Variants in SLC22A6 observed in about 807,000 individuals in gnomAD.
The protein encoded by SLC22A6 is solute carrier family 22 member 6.
A neutral mutation model predicts 56.7 loss-of-function variants in SLC22A6; 45 were observed. The observed-to-expected ratio is 0.79, with a 90% CI of 0.63 to 1.02. The LOEUF (loss-of-function observed/expected upper bound fraction) is 1.02, where lower values mean the gene tolerates loss of function less well. Ranked by LOEUF, SLC22A6 falls within the 50% of genes least tolerant of loss-of-function variation. The probability of loss-of-function intolerance (pLI) is 0.00; values close to 1 mark genes in which losing one functional copy is unlikely to be tolerated. For synonymous variants in SLC22A6, 291 were observed against 295.9 expected, an observed-to-expected ratio of 0.98 and a Z score of 0.17; for missense variants, 606 against 713.8, an observed-to-expected ratio of 0.85 and a Z score of 1.72.
Position 62,983,591 on chromosome 11 carries a change from G to A in SLC22A6, c.574C>T (p.Arg192Trp), listed in dbSNP as rs2086279908. The change falls in exon 3 of 10, where the codon CGG (arginine) becomes TGG (tryptophan). Residue 192 changes from arginine to tryptophan, a missense_variant. Coordinates refer to ENST00000360421, the MANE Select transcript of SLC22A6 (RefSeq NM_153276.3). The surrounding 1 kb of genome is among the most constrained non-coding windows in gnomAD (Gnocchi z 4.5). ...GCCAGAGCCATGCCCGAGAGGAGCCGGAAGGCGCAGTAGATGGGGAAGTTG... is the reference window on the plus strand; with the variant it reads ...GCCAGAGCCATGCCCGAGAGGAGCCAGAAGGCGCAGTAGATGGGGAAGTTG... ...APNFPIYCAF[R>W]LLSGMALAGI... 1.9e-6 allele frequency: 3 copies of A among 1,590,022 alleles called. No homozygotes were observed. Among genetic ancestry groups the A allele is most frequent in the South Asian group, 1.1e-5 (1 of 87,338 alleles).
Position 62,984,817 on chromosome 11 carries a change from CGGGA to C in SLC22A6, c.-131_-128del. 9.2e-7 allele frequency: 1 copy of C among 1,086,692 alleles called. No homozygotes were observed. Among genetic ancestry groups the C allele is most frequent in the East Asian group, 2.6e-5 (1 of 38,504 alleles). The allele number at this position is 1,086,692 out of a possible 1,614,324, so 67.3% of individuals were successfully genotyped here. On this transcript the variant is annotated 5_prime_UTR_variant, in exon 1 of 10. Transcript: ENST00000360421. ...CGTTGCCTCCGCAGCTGGGTTGCTC[CGGGA>C]GCTGAGTCCGAGCTGCTCTGTGGGG...
chr11:62,983,170 G>A lies in SLC22A6; in HGVS notation c.628+367C>T, dbSNP rs1469845069. Among the ~76,000 whole-genome samples the A allele has an allele frequency of 4.6e-5, 7 of 151,954 alleles. No homozygotes were observed. The highest frequency in any genetic ancestry group is 8.8e-5 in the Non-Finnish European group (6 of 67,974). On this transcript the variant is annotated intron_variant, in intron 3 of 9. Coordinates refer to ENST00000360421, the MANE Select transcript of SLC22A6 (RefSeq NM_153276.3). The surrounding 1 kb of genome is among the most constrained non-coding windows in gnomAD (Gnocchi z 4.5). ...CGCCATTCTCCTGCCTCAGCCTCCC[G>A]AGTAGCTGGGACTACAGGCGCCTGC...
In SLC22A6 at chr11:62,984,736, C is replaced by A; in HGVS notation, c.-46G>T. 2 of 1,568,316 alleles carry A rather than the reference C, an allele frequency of 1.3e-6. No homozygotes were observed. Among genetic ancestry groups the A allele is most frequent in the Non-Finnish European group, 1.7e-6 (2 of 1,161,362 alleles). On this transcript the variant is annotated 5_prime_UTR_variant, in exon 1 of 10. Coordinates refer to ENST00000360421, the MANE Select transcript of SLC22A6 (RefSeq NM_153276.3). ...GGCTGGGGGCTGAGGCCTTCCAGTC[C>A]CAGGACCTCTGTCTGTCTGCCTGCC...
Position 62,984,774 on chromosome 11 carries a change from C to T in SLC22A6, c.-84G>A. Reference sequence around the variant, plus strand: ...CTGTCTGCCTGCCTGCTGTCCTTCGCTGGAGGAGCAGCACTGCCGTTGCCT... The same window carrying T: ...CTGTCTGCCTGCCTGCTGTCCTTCGTTGGAGGAGCAGCACTGCCGTTGCCT... On this transcript the variant is annotated 5_prime_UTR_variant, in exon 1 of 10. Transcript: ENST00000360421. The T allele has an allele frequency of 6.9e-7, 1 of 1,453,614 alleles. No individual in the cohort carries two copies. The highest frequency in any genetic ancestry group is 9.2e-7 in the Non-Finnish European group (1 of 1,090,154). The allele number at this position is 1,453,614 out of a possible 1,614,324, so 90.0% of individuals were successfully genotyped here.
At position 62,983,906 on chromosome 11, in the gene SLC22A6, C is replaced by T; in HGVS notation, c.473+38G>A. The T allele has an allele frequency of 1.4e-6, 2 of 1,469,742 alleles. No homozygotes were observed. Among genetic ancestry groups the T allele is most frequent in the South Asian group, 1.2e-5 (1 of 84,452 alleles). The allele number at this position is 1,469,742 out of a possible 1,614,324, so 91.0% of individuals were successfully genotyped here. ...CTGAGCCCAGCTGAGCCCCTAATCC[C>T]AGCCCAGCCCAGCCCCTTGACCCTA... On this transcript the variant is annotated intron_variant, in intron 2 of 9. Coordinates refer to ENST00000360421, the MANE Select transcript of SLC22A6 (RefSeq NM_153276.3). This position sits in a 1 kb window ranked among gnomAD's most constrained non-coding sequence, Gnocchi z 4.5.
chr11:62,977,474 G>T, intron 8 of SLC22A6, 87 bp from the exon 9 acceptor site: 1 of 1,463,252 alleles, frequency 6.8e-7, no homozygotes, highest in Non-Finnish European at 9.2e-7. Context: ...GGCAGCTCAG[G>T]CTCAGCCCCC....
Position 62,983,631 on chromosome 11 carries a change from G to T in SLC22A6, c.534C>A (p.Cys178Ter), listed in dbSNP as rs753679674. 14 of 1,611,140 alleles carry T rather than the reference G, an allele frequency of 8.7e-6. No individual in the cohort carries two copies. Among genetic ancestry groups the T allele is most frequent in the Non-Finnish European group, 1.2e-5 (14 of 1,178,892 alleles). ...TGGGGAAGTTGGGTGCGAAGGCTGCGCAGGTCCCTGACACAGCTGTCTGCA... is the reference window on the plus strand; with the variant it reads ...TGGGGAAGTTGGGTGCGAAGGCTGCTCAGGTCCCTGACACAGCTGTCTGCA... ...NYLQTAVSGT[C>*]AAFAPNFPIY... Residue 178 changes from cysteine to a stop codon, truncating the protein, a stop_gained, in exon 3 of 10, where the codon TGC becomes TGA. Transcript: ENST00000360421. LOFTEE classifies it high-confidence loss of function. The surrounding 1 kb of genome is among the most constrained non-coding windows in gnomAD (Gnocchi z 4.5).
Position 62,983,480 on chromosome 11 carries a change from G to GA in SLC22A6, c.628+56dup. The GA allele has an allele frequency of 6.5e-7, 1 of 1,537,642 alleles. No individual in the cohort carries two copies. On this transcript the variant is annotated intron_variant, in intron 3 of 9. Transcript: ENST00000360421. The surrounding 1 kb of genome is among the most constrained non-coding windows in gnomAD (Gnocchi z 4.5). ...AGGGGCAGGCTGGGAGGGGAGGCTG[G>GA]AAAGGGGTTGCTGGGCTGGGTGGCC...
In SLC22A6 at chr11:62,979,857, C is replaced by T. The variant is rs2086233583; in HGVS notation, c.1129G>A (p.Val377Met). The T allele has an allele frequency of 4.3e-6, 7 of 1,614,194 alleles. No homozygotes were observed. Among genetic ancestry groups the T allele is most frequent in the Non-Finnish European group, 5.9e-6 (7 of 1,180,014 alleles). The stretch of plus-strand genomic sequence containing the variant: ...CCCACAAGCTTGGCAGGCAGGTCCA[C>T]AGCACCAAAGATCACCTGGATTAGG... ...IYLIQVIFGAVDLPAKLVGFL... is the reference protein window; with the variant it reads ...IYLIQVIFGAMDLPAKLVGFL... Residue 377 changes from valine to methionine, a missense_variant, in exon 7 of 10, where the codon GTG becomes ATG. Coordinates refer to ENST00000360421, the MANE Select transcript of SLC22A6 (RefSeq NM_153276.3).
At chr11:62,977,152 A>G (rs1204199537) in intron 9 of SLC22A6, 32 bp downstream of exon 9, 1 of 1,614,148 alleles carries the variant, frequency 6.2e-7, no homozygotes, top group Non-Finnish European at 8.5e-7. Context: ...TACCTGGGAT[A>G]TATCCCTGCT....
chr11:62,977,412 G>C lies in SLC22A6; in HGVS notation c.1362-25C>G, dbSNP rs1431413200. 2.5e-6 allele frequency: 4 copies of C among 1,591,446 alleles called. No individual in the cohort carries two copies. The African/African-American group carries it at 4.0e-5, about 16-fold the overall frequency. On this transcript the variant is annotated intron_variant, in intron 8 of 9. Transcript: ENST00000360421. ...CCTGCAGGGCCCGCAGCAGATGGGT[G>C]TTGGTTAGAGTTCCAGCATGAATGC...
chr11:62,984,123 C>T (rs915943001), intron 1 of SLC22A6, 76 bp from the exon 2 acceptor site: 1 of 1,215,188 alleles, frequency 8.2e-7, no homozygotes, highest in African/African-American at 1.5e-5. Context: ...TTCAGCTGGT[C>T]CTCTGGGGTC....
rs547395859 is a variant in SLC22A6, at chr11:62,983,146, G to A, written c.628+391C>T. Among the ~76,000 whole-genome samples the A allele has an allele frequency of 2.0e-5, 3 of 151,934 alleles. No individual in the cohort carries two copies. Among genetic ancestry groups the A allele is most frequent in the South Asian group, 4.2e-4 (2 of 4,810 alleles). On this transcript the variant is annotated intron_variant, in intron 3 of 9. Coordinates refer to ENST00000360421, the MANE Select transcript of SLC22A6 (RefSeq NM_153276.3). This position sits in a 1 kb window ranked among gnomAD's most constrained non-coding sequence, Gnocchi z 4.5. Reference sequence around the variant, plus strand: ...TGAAAGCTCCGCCTCCCGGGTTCACGCCATTCTCCTGCCTCAGCCTCCCGA... The same window carrying A: ...TGAAAGCTCCGCCTCCCGGGTTCACACCATTCTCCTGCCTCAGCCTCCCGA...
At position 62,977,377 on chromosome 11, in the gene SLC22A6, T is replaced by C; in HGVS notation, c.1372A>G (p.Met458Val). 6.2e-7 allele frequency: 1 copy of C among 1,609,250 alleles called. No homozygotes were observed. The highest frequency in any genetic ancestry group is 8.5e-7 in the Non-Finnish European group (1 of 1,179,566). ...LYPTMIRQTG[M>V]GMGSTMARVG... is the part of the protein sequence containing the mutation. ...CGGGCCATGGTGCTGCCCATTCCCA[T>C]GCCTGTCTGCCTGCAGGGCCCGCAG... The change falls in exon 9 of 10, where the codon ATG becomes GTG. Residue 458 changes from methionine (M) to valine (V), a missense_variant. Physicochemically the swap from Met to Val is conservative, Grantham distance 21. Coordinates refer to ENST00000360421, the MANE Select transcript of SLC22A6 (RefSeq NM_153276.3).
At chr11:62,982,805 C>T (rs751984194) in intron 3 of SLC22A6, among the ~76,000 whole-genome samples, 23 of 152,152 alleles carry the variant, frequency 1.5e-4, no homozygotes, top group Non-Finnish European at 2.6e-4. Context: ...CTGCCTCATC[C>T]TATGTTTATT....
intron 8 of SLC22A6, 56 bp from the exon 9 acceptor site, chr11:62,977,443 T>A: frequency 6.5e-7 from 1 of 1,544,012 alleles, no homozygotes; most frequent in Non-Finnish European, 8.7e-7. Flanking sequence ...AATGCCCAGA[T>A]GCTGGTCCCA....
At chr11:62,978,362 T>TA (rs1590672934) in intron 8 of SLC22A6, among the ~76,000 whole-genome samples, 5 of 148,818 alleles carry the variant, frequency 3.4e-5, no homozygotes, top group Non-Finnish European at 5.9e-5. Context: ...TATTTTATTT[T>TA]TTTGAGACAG....
chr11:62,977,957 T>C (rs1374891877), intron 8 of SLC22A6, among the ~76,000 whole-genome samples: 2 of 152,266 alleles, frequency 1.3e-5, no homozygotes, highest in Non-Finnish European at 2.9e-5. Flanking sequence ...TCAGGAGACA[T>C]ACTGCTTGGG....
At chr11:62,981,480 TTTTA>T in intron 4 of SLC22A6, 97 bp from the exon 5 acceptor site, 1 of 758,988 alleles carries the variant, frequency 1.3e-6, no homozygotes, top group Non-Finnish European at 2.1e-6. Flanking sequence ...TGCGATGGGA[TTTTA>T]TTTAAGGTTG....
Sources: gnomAD v4.1 joint callset for allele counts (sites outside exome capture counted in the v4.1 genomes callset) on GRCh38, gnomAD v4.1.1 for gene constraint, Gnocchi (gnomAD v3.1) non-coding constraint, MANE v1.5 for transcripts, NCBI Gene and HGNC (gene_info 2026-07-23, HGNC 2026-07-21) for gene names.